The following PTPRD variants were observed in gnomAD, a reference collection of about 807,000 sequenced individuals.
PTPRD encodes the protein receptor-type tyrosine-protein phosphatase delta.
PTPRD carries 34 observed loss-of-function variants against 214.5 expected under a neutral mutation model. The observed-to-expected ratio is 0.16, with a 90% CI of 0.12 to 0.21. The LOEUF (loss-of-function observed/expected upper bound fraction) is 0.21, where lower values mean the gene tolerates loss of function less well. Ranked by LOEUF, PTPRD falls within the 10% of genes least tolerant of loss-of-function variation. PTPRD has a pLI of 1.00. For synonymous variants in PTPRD, 1,128 were observed against 845.7 expected, an observed-to-expected ratio of 1.33 and a Z score of -5.79; for missense variants, 2,545 against 2,398.7, an observed-to-expected ratio of 1.06 and a Z score of -1.27.
chr9:9,124,319 A>ACTAT (rs761285096), intron 10 of PTPRD, among the ~76,000 whole-genome samples: 1 of 152,142 alleles, frequency 6.6e-6, no homozygotes, highest in African/African-American at 2.4e-5. Flanking sequence ...ATTCTTTCTA[A>ACTAT]CTATCTATCT....
chr9:10,518,994 G>T (rs2051167732), intron 2 of PTPRD, among the ~76,000 whole-genome samples: 1 of 151,704 alleles, frequency 6.6e-6, no homozygotes, highest in South Asian at 2.1e-4. Context: ...ATGGTCAGAA[G>T]AAACCTGCAC....
intron 8 of PTPRD, among the ~76,000 whole-genome samples, chr9:9,537,474 A>T (rs2076754879): frequency 6.6e-6 from 1 of 152,010 alleles, no homozygotes; most frequent in Non-Finnish European, 1.5e-5. Context: ...CCTGAAAAAG[A>T]CTTAGTCCAT....
chr9:9,388,796 A>G (rs2064798024), intron 9 of PTPRD, among the ~76,000 whole-genome samples: 1 of 152,210 alleles, frequency 6.6e-6, no homozygotes, highest in African/African-American at 2.4e-5. Flanking sequence ...AATTTCTCCA[A>G]GATAATTTCT....
At chr9:10,159,137 G>T (rs1443452361) in intron 3 of PTPRD, among the ~76,000 whole-genome samples, 3 of 151,866 alleles carry the variant, frequency 2.0e-5, no homozygotes, top group Admixed American at 2.0e-4. Flanking sequence ...GTAAATATGG[G>T]CTTAAGGTAC....
intron 2 of PTPRD, among the ~76,000 whole-genome samples, chr9:10,536,153 G>C (rs564689916): frequency 3.7e-4 from 57 of 152,156 alleles, no homozygotes; most frequent in Non-Finnish European, 7.2e-4. Context: ...CAGGACCAAG[G>C]AATATGTCTG....
chr9:10,248,245 C>T (rs1170921490), intron 3 of PTPRD, among the ~76,000 whole-genome samples: 1 of 151,642 alleles, frequency 6.6e-6, no homozygotes, highest in African/African-American at 2.4e-5. Context: ...CAAGAGGAGG[C>T]TCTCAGTCAA....
chr9:9,567,362 T>C (rs576380032), intron 8 of PTPRD, among the ~76,000 whole-genome samples: 1 of 152,036 alleles, frequency 6.6e-6, no homozygotes, highest in South Asian at 2.1e-4. Flanking sequence ...TCATGGATGG[T>C]AACAGAGCAG....
chr9:8,986,843 G>C (rs908137579), intron 11 of PTPRD, among the ~76,000 whole-genome samples: 6 of 152,064 alleles, frequency 3.9e-5, no homozygotes, highest in African/African-American at 1.4e-4. Flanking sequence ...CACTCTTGCA[G>C]TTATTGAAGT....
intron 2 of PTPRD, among the ~76,000 whole-genome samples, chr9:10,528,075 A>AAC (rs552213022): frequency 2.8e-4 from 42 of 151,960 alleles, no homozygotes; most frequent in South Asian, 2.1e-3. Context: ...CATACCCTAT[A>AAC]ACACACACAC....
intron 6 of PTPRD, among the ~76,000 whole-genome samples, chr9:9,748,381 C>T (rs997829223): frequency 2.0e-5 from 3 of 152,166 alleles, no homozygotes; most frequent in Non-Finnish European, 4.4e-5. Flanking sequence ...ATAAATTGTG[C>T]CATATTCTAT....
rs1360000859 is a variant in PTPRD at position 10,279,195 on chromosome 9, ATT to A, written c.-545+61766_-545+61767del. On this transcript the variant is annotated intron_variant, in intron 3 of 45. Transcript: ENST00000381196. Reference sequence around the variant, plus strand: ...CCACTCTTGTCAGTAGTAAGAACATATTAACAAGTGTAGTTCAAGGGCATATG... The same window carrying A: ...CCACTCTTGTCAGTAGTAAGAACATAAACAAGTGTAGTTCAAGGGCATATG... Among the ~76,000 whole-genome samples, 536 of 152,284 alleles carry A rather than the reference ATT, an allele frequency of 3.5e-3. 5 individuals carry two copies. Among genetic ancestry groups the A allele is most frequent in the African/African-American group, 0.012 (517 of 41,550 alleles).
At chr9:10,442,019 A>T (rs113893804) in intron 2 of PTPRD, among the ~76,000 whole-genome samples, 169 of 151,778 alleles carry the variant, frequency 1.1e-3, no homozygotes, top group African/African-American at 4.0e-3. Context: ...TTATTTTAGT[A>T]TACGCTAAAT....
At chr9:10,505,251 G>C (rs2045521286) in intron 2 of PTPRD, among the ~76,000 whole-genome samples, 1 of 152,164 alleles carries the variant, frequency 6.6e-6, no homozygotes, top group South Asian at 2.1e-4. Flanking sequence ...TGCTGTTGCA[G>C]TCACTGGTGA....
At chr9:10,437,582 C>T (rs1280138044) in intron 2 of PTPRD, among the ~76,000 whole-genome samples, 1 of 151,658 alleles carries the variant, frequency 6.6e-6, no homozygotes, top group Admixed American at 6.6e-5. Flanking sequence ...TCCTTTAAAG[C>T]ATGAGGGTTA....
intron 2 of PTPRD, among the ~76,000 whole-genome samples, chr9:10,504,017 G>A (rs917415382): frequency 7.2e-4 from 106 of 147,914 alleles, no homozygotes; most frequent in African/African-American, 2.5e-3. Flanking sequence ...TCCGGAGACT[G>A]AAGCAGGAGA....
At chr9:9,575,061 G>T (rs1167374336) in intron 7 of PTPRD, among the ~76,000 whole-genome samples, 3 of 135,360 alleles carry the variant, frequency 2.2e-5, no homozygotes, top group Admixed American at 2.2e-4. Flanking sequence ...ATAGCTGATG[G>T]ATAACATTTG....
intron 9 of PTPRD, among the ~76,000 whole-genome samples, chr9:9,389,362 T>C (rs1363272044): frequency 6.6e-6 from 1 of 151,910 alleles, no homozygotes; most frequent in Non-Finnish European, 1.5e-5. Flanking sequence ...AATACAAAAT[T>C]AGCCGGGCGT....
Position 8,518,261 on chromosome 9 carries a change from C to T in PTPRD, c.1130G>A (p.Arg377His), listed in dbSNP as rs371051836. 3.7e-6 allele frequency: 6 copies of T among 1,614,020 alleles called. No individual in the cohort carries two copies. Among genetic ancestry groups the T allele is most frequent in the South Asian group, 2.2e-5 (2 of 91,076 alleles). The change falls in exon 21 of 46, where the codon CGC (arginine) becomes CAC (histidine). Residue 377 changes from arginine to histidine, a missense_variant. Arg to His is a conservative substitution (Grantham distance 29). Coordinates refer to ENST00000381196, the MANE Select transcript of PTPRD (RefSeq NM_002839.4). ...YKEIDGVATT[R>H]YSVAGLSPYS... ...GGGACTTAGTCCAGCGACACTGTAG[C>T]GTGTGGTCGCCACCCCATCAATTTC...
At position 9,275,322 on chromosome 9, in the gene PTPRD, T is replaced by C. The variant is rs76987219; in HGVS notation, c.-202-91959A>G. Reference sequence around the variant, plus strand: ...ATTTAAAATAGTGAGGGAAGGTCAGTTGAAAGTTATTCTCAGAAAAAACTT... The same window carrying C: ...ATTTAAAATAGTGAGGGAAGGTCAGCTGAAAGTTATTCTCAGAAAAAACTT... On this transcript the variant is annotated intron_variant, in intron 9 of 45. Transcript: ENST00000381196. Among the ~76,000 whole-genome samples the C allele has an allele frequency of 5.0e-3, 725 of 143,728 alleles. 5 individuals carry two copies. The highest frequency in any genetic ancestry group is 0.011 in the African/African-American group (440 of 38,696). The allele number at this position is 143,728 out of a possible 152,430, so 94.3% of individuals were successfully genotyped here.
Sources: allele counts gnomAD v4.1 joint callset (sites outside exome capture counted in the v4.1 genomes callset), GRCh38; gene constraint gnomAD v4.1.1; transcripts MANE v1.5; gene names NCBI Gene and HGNC (gene_info 2026-07-23, HGNC 2026-07-21).